Variants in ABCC5 observed in about 807,000 individuals in gnomAD.
The protein encoded by ABCC5 is ATP binding cassette subfamily C member 5.
A neutral mutation model predicts 160.9 loss-of-function variants in ABCC5; 61 were observed. The ratio of observed to expected loss-of-function variants is 0.38; its 90% CI spans 0.31 to 0.47. The LOEUF is 0.47. Ranked by LOEUF, ABCC5 falls within the 20% of genes least tolerant of loss-of-function variation. The pLI is 0.99. For missense variants in ABCC5, 1,308 were observed against 1,813.3 expected, an observed-to-expected ratio of 0.72 and a Z score of 5.06; for synonymous variants, 666 against 700.6, an observed-to-expected ratio of 0.95 and a Z score of 0.78.
At chr3:184,013,764 C>T (rs867216793) in intron 2 of ABCC5, among the ~76,000 whole-genome samples, 3 of 152,128 alleles carry the variant, frequency 2.0e-5, no homozygotes, top group Admixed American at 6.5e-5. Context: ...CAGAACAGAC[C>T]GGGTGAGAGG....
chr3:183,956,010 T>C (rs556540755), intron 17 of ABCC5, among the ~76,000 whole-genome samples: 1 of 142,798 alleles, frequency 7.0e-6, no homozygotes, highest in East Asian at 2.5e-4. Flanking sequence ...ATCACATCGG[T>C]TACATGTTCA....
At chr3:183,953,633 A>G (rs912876415) in intron 17 of ABCC5, among the ~76,000 whole-genome samples, 1 of 152,174 alleles carries the variant, frequency 6.6e-6, no homozygotes, top group Non-Finnish European at 1.5e-5. Flanking sequence ...AACCCCTGGG[A>G]GGCATACTTG....
chr3:184,001,186 G>T, intron 2 of ABCC5: 1 of 473,670 alleles, frequency 2.1e-6, no homozygotes, highest in South Asian at 4.3e-5. Context: ...CCAGGTGTTT[G>T]ACGCTGCAGT....
intron 15 of ABCC5, among the ~76,000 whole-genome samples, chr3:183,962,353 C>A (rs1045960803): frequency 6.7e-6 from 1 of 148,482 alleles, no homozygotes. Context: ...TAAGTTGAAC[C>A]GTAAGCCAGC....
Position 183,988,812 on chromosome 3 carries a change from C to T in ABCC5, c.288-85G>A. 1 of 1,398,014 alleles carries T rather than the reference C, an allele frequency of 7.2e-7. No individual in the cohort carries two copies. The highest frequency in any genetic ancestry group is 9.7e-7 in the Non-Finnish European group (1 of 1,032,338). The allele number at this position is 1,398,014 out of a possible 1,614,324, so 86.6% of individuals were successfully genotyped here. On this transcript the variant is annotated intron_variant, in intron 3 of 29. Coordinates refer to ENST00000334444, the MANE Select transcript of ABCC5 (RefSeq NM_005688.4). The surrounding 1 kb of genome is among the most constrained non-coding windows in gnomAD (Gnocchi z 4.4). ...TTTAATGGACACTGTTTAGTGAACACAGCTCTTAGCTAAAGACCAGTCTCC... is the reference window on the plus strand; with the variant it reads ...TTTAATGGACACTGTTTAGTGAACATAGCTCTTAGCTAAAGACCAGTCTCC...
At position 183,951,907 on chromosome 3, in the gene ABCC5, T is replaced by G. The variant is rs1327653672; in HGVS notation, c.2764A>C (p.Met922Leu). 6.2e-7 allele frequency: 1 copy of G among 1,613,974 alleles called. No homozygotes were observed. Among genetic ancestry groups the G allele is most frequent in the Non-Finnish European group, 8.5e-7 (1 of 1,179,958 alleles). ...GCTTTCAGGATCAGCATGACTGCCA[T>G]GGAGAGGGCGTAGATGCTGGCATAG... ...QYYASIYALS[M>L]AVMLILKAIR... The change falls in exon 19 of 30, where the codon ATG (methionine) becomes CTG (leucine). Residue 922 changes from methionine to leucine, a missense_variant. Around this residue, in one of 3 missense-constraint regions of ABCC5, gnomAD observed 1,142 missense variants for 1,527.1 expected, o/e 0.75. Transcript: ENST00000334444. This position sits in a 1 kb window ranked among gnomAD's most constrained non-coding sequence, Gnocchi z 4.7.
intron 8 of ABCC5, among the ~76,000 whole-genome samples, chr3:183,980,843 G>A (rs1718664629): frequency 6.6e-6 from 1 of 151,804 alleles, no homozygotes; most frequent in Non-Finnish European, 1.5e-5. Flanking sequence ...CTCACGAATA[G>A]CTGGGATTAC....
At chr3:183,931,585 TG>T (rs1187044529) in intron 26 of ABCC5, among the ~76,000 whole-genome samples, 2 of 152,210 alleles carry the variant, frequency 1.3e-5, no homozygotes, top group East Asian at 1.9e-4. Flanking sequence ...CCATCCGCCT[TG>T]GCTTCCCAAA....
At chr3:183,941,480 A>G (rs926330818) in intron 25 of ABCC5, among the ~76,000 whole-genome samples, 7 of 152,000 alleles carry the variant, frequency 4.6e-5, no homozygotes, top group Non-Finnish European at 1.0e-4. Context: ...TTTCTTCCTT[A>G]GAAAGTTCTT....
chr3:183,940,485 A>AAAAAAAAAAG (rs1560478004), intron 25 of ABCC5, among the ~76,000 whole-genome samples: 1 of 144,084 alleles, frequency 6.9e-6, no homozygotes, highest in Non-Finnish European at 1.5e-5. Context: ...AAAAAAAAAA[A>AAAAAAAAAAG]AAATGAATGA....
At chr3:184,016,945 A>G (rs1264541877) in intron 1 of ABCC5, among the ~76,000 whole-genome samples, 1 of 152,136 alleles carries the variant, frequency 6.6e-6, no homozygotes, top group African/African-American at 2.4e-5. Flanking sequence ...GTAGGTTTCC[A>G]TCACCTCCAG....
At chr3:183,971,470 CA>C in intron 11 of ABCC5, 92 bp downstream of exon 11, 10 of 1,205,292 alleles carry the variant, frequency 8.3e-6, no homozygotes, top group South Asian at 1.4e-5. Context: ...AGCCACAAAG[CA>C]CTTTGTGAAA....
At chr3:183,952,144 CTTT>C (rs34905378) in intron 18 of ABCC5, 141 bp from the exon 19 acceptor site, 20,880 of 368,266 alleles carry the variant, frequency 0.057, 4 homozygotes, top group East Asian at 0.087. Context: ...TTGTCCACCT[CTTT>C]TTTTTTTTTT....
intron 2 of ABCC5, among the ~76,000 whole-genome samples, chr3:183,994,843 C>T (rs1271104043): frequency 6.6e-6 from 1 of 150,906 alleles, no homozygotes; most frequent in South Asian, 2.1e-4. Context: ...AAGTCTTTTG[C>T]CCATTTTCTA....
At chr3:183,967,342 G>T in intron 12 of ABCC5, 1 of 245,212 alleles carries the variant, frequency 4.1e-6, no homozygotes, top group Non-Finnish European at 8.1e-6. Flanking sequence ...TAACTCTGTT[G>T]GCAGCGCTGC....
At chr3:183,981,201 T>C (rs1367378943) in intron 8 of ABCC5, among the ~76,000 whole-genome samples, 1 of 152,232 alleles carries the variant, frequency 6.6e-6, no homozygotes, top group Non-Finnish European at 1.5e-5. Context: ...TCAATTTGTG[T>C]TGAGATCTTT....
chr3:183,941,015 C>T (rs1264960795), intron 25 of ABCC5, among the ~76,000 whole-genome samples: 2 of 152,234 alleles, frequency 1.3e-5, no homozygotes, highest in South Asian at 2.1e-4. Flanking sequence ...TCCACCACCA[C>T]GCCCAGCTAA....
At chr3:184,000,921 A>G in intron 2 of ABCC5, 1 of 314,532 alleles carries the variant, frequency 3.2e-6, no homozygotes, top group Non-Finnish European at 5.7e-6. Flanking sequence ...TGTAAGCCAC[A>G]TAATGTAATT....
In ABCC5 at chr3:183,995,957, G is replaced by A. The variant is rs533574656; in HGVS notation, c.130-6574C>T. Among the ~76,000 whole-genome samples the A allele has an allele frequency of 6.8e-4, 103 of 152,050 alleles. No individual in the cohort carries two copies. In the South Asian group the frequency reaches 9.6e-3, roughly 14 times the overall value. ...CGAGTAGCTGGGATTACAGGCACCCGCCACCACGCCCGGCTAATTTTTTGT... is the reference window on the plus strand; with the variant it reads ...CGAGTAGCTGGGATTACAGGCACCCACCACCACGCCCGGCTAATTTTTTGT... On this transcript the variant is annotated intron_variant, in intron 2 of 29. Transcript: ENST00000334444.
Sources: allele counts gnomAD v4.1 joint callset (sites outside exome capture counted in the v4.1 genomes callset), GRCh38; gene constraint gnomAD v4.1.1; regional missense constraint gnomAD v4.1.1; non-coding constraint Gnocchi (gnomAD v3.1); transcripts MANE v1.5; gene names NCBI Gene and HGNC (gene_info 2026-07-23, HGNC 2026-07-21).